FILIP1L: variants seen among roughly 807,000 people sequenced by gnomAD.
FILIP1L encodes the protein filamin A interacting protein 1 like, also known as filamin A-interacting protein 1-like.
In FILIP1L, 55 loss-of-function variants were observed where a neutral mutation model predicts 96.6. That is an observed-to-expected ratio of 0.57 (90% CI 0.46 to 0.71). FILIP1L has a LOEUF of 0.71. Among genes scored for constraint, FILIP1L ranks in the 30% least tolerant of loss-of-function variants. The probability of loss-of-function intolerance (pLI) is 0.00; values close to 1 mark genes in which losing one functional copy is unlikely to be tolerated. For missense variants in FILIP1L, 1,304 were observed against 1,321.2 expected (o/e 0.99, Z 0.20); for synonymous variants, 467 against 473.9 (o/e 0.99, Z 0.19).
Position 99,848,620 on chromosome 3 carries a change from G to T in FILIP1L, c.3056C>A (p.Ser1019Tyr). 1 of 1,614,162 alleles carries T rather than the reference G, an allele frequency of 6.2e-7. No individual in the cohort carries two copies. Among genetic ancestry groups the T allele is most frequent in the Non-Finnish European group, 8.5e-7 (1 of 1,180,026 alleles). The change falls in exon 5 of 6, where the codon TCC becomes TAC. Residue 1019 changes from serine (S) to tyrosine (Y), a missense_variant. Ser to Tyr is a moderately radical substitution (Grantham distance 144). Coordinates refer to ENST00000477258, the MANE Select transcript of FILIP1L (RefSeq NM_001387850.1). ...GGCACTGATTTCTGTTGGTTCTGGGGAGCGTCCCTGCTCAGGAGAGCTAGC... is the reference window on the plus strand; with the variant it reads ...GGCACTGATTTCTGTTGGTTCTGGGTAGCGTCCCTGCTCAGGAGAGCTAGC... ...GSASSPEQGRSPEPTEISAKH... is the reference protein window; with the variant it reads ...GSASSPEQGRYPEPTEISAKH...
At chr3:100,107,413 T>TTTCTGAACACTTTGTTTAC (rs1224122985) in intron 1 of FILIP1L, among the ~76,000 whole-genome samples, 22 of 152,272 alleles carry the variant, frequency 1.4e-4, no homozygotes, top group African/African-American at 5.1e-4. Flanking sequence ...GTTGGTAGAA[T>TTTCTGAACACTTTGTTTAC]TTCTGAACAC....
chr3:99,959,599 C>T (rs1708434769), intron 1 of FILIP1L, among the ~76,000 whole-genome samples: 1 of 152,142 alleles, frequency 6.6e-6, no homozygotes, highest in Non-Finnish European at 1.5e-5. Context: ...ATTTCTTTAG[C>T]AGTCTGATAA....
intron 1 of FILIP1L, among the ~76,000 whole-genome samples, chr3:100,056,620 G>A (rs1319908478): frequency 3.3e-5 from 5 of 151,868 alleles, no homozygotes; most frequent in African/African-American, 2.4e-5. Context: ...CACAGCTAAT[G>A]TTGAGTTTCT....
chr3:100,053,233 A>C lies in FILIP1L; in HGVS notation c.-11+60820T>G, dbSNP rs191426667. Among the ~76,000 whole-genome samples the C allele has an allele frequency of 1.3e-4, 20 of 152,310 alleles. 1 individual carries two copies. In the East Asian group the frequency reaches 3.9e-3, roughly 29 times the overall value. ...TTTCCTAGGACTGCCATAACAGATT[A>C]CCACAAATTGGGTGATTTATAATAA... On this transcript the variant is annotated intron_variant, in intron 1 of 5. Transcript: ENST00000477258.
rs147596089 is a variant in FILIP1L at position 99,835,525 on chromosome 3, G to A, written c.3382-4920C>T. Among the ~76,000 whole-genome samples the A allele has an allele frequency of 6.7e-3, 1,027 of 152,322 alleles. 3 individuals carry two copies. Among genetic ancestry groups the A allele is most frequent in the African/African-American group, 8.5e-3 (355 of 41,566 alleles). On this transcript the variant is annotated intron_variant, in intron 5 of 5. Transcript: ENST00000477258. ...ATGAGCACTATTTAAGTCCTGGGTA[G>A]AATAGGACCATGGTTCTTAAATTTT...
chr3:99,903,472 G>A (rs112123250), intron 4 of FILIP1L, among the ~76,000 whole-genome samples: 2 of 152,084 alleles, frequency 1.3e-5, no homozygotes, highest in Admixed American at 6.5e-5. Flanking sequence ...GGCTGGTCTC[G>A]AACCCCTGAC....
intron 1 of FILIP1L, among the ~76,000 whole-genome samples, chr3:99,973,600 T>C (rs938466490): frequency 1.5e-4 from 23 of 152,224 alleles, no homozygotes; most frequent in African/African-American, 4.8e-4. Flanking sequence ...TCAGATCTTA[T>C]AGAATTTATA....
At chr3:100,066,362 G>C (rs9815439) in intron 1 of FILIP1L, among the ~76,000 whole-genome samples, 32,104 of 152,006 alleles carry the variant, frequency 0.21, 3,525 homozygotes, top group South Asian at 0.26. Context: ...CCAGGGGTCT[G>C]ATTTGCAAAG....
chr3:100,024,849 A>G (rs922322332), intron 1 of FILIP1L, among the ~76,000 whole-genome samples: 4 of 152,162 alleles, frequency 2.6e-5, no homozygotes, highest in African/African-American at 7.2e-5. Flanking sequence ...GCCCAAGGTC[A>G]GAAACATTCG....
At chr3:100,052,841 T>A (rs1381502205) in intron 1 of FILIP1L, among the ~76,000 whole-genome samples, 2 of 152,234 alleles carry the variant, frequency 1.3e-5, no homozygotes, top group African/African-American at 4.8e-5. Context: ...ATATTTGATC[T>A]TGTTTTTAAA....
intron 1 of FILIP1L, among the ~76,000 whole-genome samples, chr3:100,017,780 A>G (rs866314327): frequency 6.6e-6 from 1 of 152,124 alleles, no homozygotes; most frequent in Non-Finnish European, 1.5e-5. Context: ...CAAAAAAAAG[A>G]AACACTGGTC....
chr3:99,892,594 T>C (rs957645034), intron 4 of FILIP1L, among the ~76,000 whole-genome samples: 10 of 152,204 alleles, frequency 6.6e-5, no homozygotes, highest in African/African-American at 2.4e-4. Context: ...GGTAGCAAGA[T>C]GACCTCAGTA....
At chr3:100,039,533 T>A (rs1260876271) in intron 1 of FILIP1L, among the ~76,000 whole-genome samples, 3 of 152,170 alleles carry the variant, frequency 2.0e-5, no homozygotes, top group Non-Finnish European at 4.4e-5. Context: ...TCTTATAATA[T>A]GCGGGATACC....
At chr3:100,067,615 A>T (rs2065688887) in intron 1 of FILIP1L, among the ~76,000 whole-genome samples, 1 of 152,258 alleles carries the variant, frequency 6.6e-6, no homozygotes, top group East Asian at 1.9e-4. Flanking sequence ...GGGGGAAAGA[A>T]GAACAACTAG....
intron 1 of FILIP1L, among the ~76,000 whole-genome samples, chr3:100,073,015 T>C (rs985876502): frequency 2.0e-5 from 3 of 152,188 alleles, no homozygotes; most frequent in Non-Finnish European, 4.4e-5. Context: ...TTCCTTAATA[T>C]ATATCTTGAT....
intron 4 of FILIP1L, among the ~76,000 whole-genome samples, chr3:99,918,555 G>C (rs986088825): frequency 2.0e-5 from 3 of 152,200 alleles, no homozygotes; most frequent in Admixed American, 6.5e-5. Context: ...AGGTAGCATT[G>C]TCACTCTATC....
intron 1 of FILIP1L, among the ~76,000 whole-genome samples, chr3:99,956,048 G>C (rs1708310873): frequency 6.6e-6 from 1 of 152,128 alleles, no homozygotes. Flanking sequence ...AGTGTTCATT[G>C]ACTGACACGT....
chr3:99,886,099 CTA>C (rs150644558), intron 4 of FILIP1L, among the ~76,000 whole-genome samples: 2,187 of 152,342 alleles, frequency 0.014, 31 homozygotes, highest in South Asian at 0.021. Context: ...ACAGAACACT[CTA>C]TGTGTGCACA....
chr3:99,884,606 A>G (rs1266748741), intron 4 of FILIP1L, among the ~76,000 whole-genome samples: 2 of 152,226 alleles, frequency 1.3e-5, no homozygotes, highest in Admixed American at 1.3e-4. Context: ...TAGGAGGACC[A>G]GCACAATACC....
Sources: gnomAD v4.1 joint callset for allele counts (sites outside exome capture counted in the v4.1 genomes callset) on GRCh38, gnomAD v4.1.1 for gene constraint, MANE v1.5 for transcripts, NCBI Gene and HGNC (gene_info 2026-07-23, HGNC 2026-07-21) for gene names.